ZNF100: variants seen among roughly 807,000 people sequenced by gnomAD.
ZNF100 encodes the protein zinc finger protein 100.
Under a neutral mutation model 15.8 loss-of-function variants are expected in ZNF100, and 12 were observed. That is an observed-to-expected ratio of 0.76 (90% CI 0.49 to 1.23). The LOEUF is 1.23. ZNF100 is among the 50% of genes most tolerant of loss of function. The pLI, the probability that ZNF100 is intolerant of heterozygous loss-of-function variation, is 0.00. For synonymous variants in ZNF100, 226 were observed against 214.8 expected (o/e 1.05, Z -0.45); for missense variants, 670 against 635.6 (o/e 1.05, Z -0.58).
rs1248020047 is a variant in ZNF100, at chr19:21,728,026, T to C, written c.323-37A>G. ...AAAAATAACAAATTACTTTACTTAC[T>C]AGACACAGATAGTTTACAAATCTAA... On this transcript the variant is annotated intron_variant, in intron 4 of 4. Coordinates refer to ENST00000358296, the MANE Select transcript of ZNF100 (RefSeq NM_173531.4). 5 of 1,437,494 alleles carry C rather than the reference T, an allele frequency of 3.5e-6. No homozygotes were observed. The Admixed American group carries it at 1.2e-4, about 33-fold the overall frequency. 89.0% of individuals were successfully genotyped at this position (1,437,494 alleles called of 1,614,324 possible). A position where few individuals can be genotyped will look rare whatever the true frequency, so the allele number is the denominator to read the frequency against.
chr19:21,763,939 T>A lies in ZNF100; in HGVS notation c.96+1755A>T, dbSNP rs975390355. ...TTTTTAAATAAATTGAACTTGGTTA[T>A]ACATTACAAAGTCTAGAAACTGCCT... On this transcript the variant is annotated intron_variant, in intron 2 of 4. Coordinates refer to ENST00000358296, the MANE Select transcript of ZNF100 (RefSeq NM_173531.4). Among the ~76,000 whole-genome samples the A allele has an allele frequency of 4.6e-5, 7 of 152,316 alleles. 1 individual carries two copies. The highest frequency in any genetic ancestry group is 3.9e-4 in the Admixed American group (6 of 15,298).
chr19:21,766,468 C>T (rs1382571263), intron 1 of ZNF100, among the ~76,000 whole-genome samples: 1 of 149,790 alleles, frequency 6.7e-6, no homozygotes, highest in African/African-American at 2.5e-5. Context: ...TTACTACATT[C>T]AGAGAAAATG....
chr19:21,728,700 G>A (rs377382293), intron 4 of ZNF100, among the ~76,000 whole-genome samples: 2 of 151,986 alleles, frequency 1.3e-5, no homozygotes, highest in South Asian at 2.1e-4. Context: ...GTGACAGGTA[G>A]CCTTTTTTAA....
At chr19:21,741,903 T>C (rs1009382660) in intron 4 of ZNF100, among the ~76,000 whole-genome samples, 5 of 152,012 alleles carry the variant, frequency 3.3e-5, no homozygotes, top group Admixed American at 6.5e-5. Flanking sequence ...GTCTCAAACT[T>C]TTGGGCTCAA....
At chr19:21,758,550 G>A (rs751820834) in intron 2 of ZNF100, among the ~76,000 whole-genome samples, 1 of 152,208 alleles carries the variant, frequency 6.6e-6, no homozygotes, top group Non-Finnish European at 1.5e-5. Context: ...TGAACAGGTA[G>A]TCCAGGACCC....
intron 4 of ZNF100, among the ~76,000 whole-genome samples, chr19:21,732,365 C>T (rs1181180966): frequency 2.0e-5 from 3 of 152,014 alleles, no homozygotes; most frequent in Non-Finnish European, 4.4e-5. Flanking sequence ...CAAGATTGAA[C>T]GACCATTTAC....
chr19:21,738,019 G>A lies in ZNF100; in HGVS notation c.322+5998C>T, dbSNP rs533463867. Among the ~76,000 whole-genome samples the A allele has an allele frequency of 7.8e-3, 1,187 of 152,134 alleles. 16 individuals carry two copies. Among genetic ancestry groups the A allele is most frequent in the African/African-American group, 0.027 (1,129 of 41,502 alleles). On this transcript the variant is annotated intron_variant, in intron 4 of 4. Transcript: ENST00000358296. ...TAATCCCAGCACTTTGAGAGGCTGAGGCGGGCAGATCAGCTGAGGTTAGGA... is the reference window on the plus strand; with the variant it reads ...TAATCCCAGCACTTTGAGAGGCTGAAGCGGGCAGATCAGCTGAGGTTAGGA...
rs760664575 is a variant in ZNF100, at chr19:21,744,123, A to G, written c.224-8T>C. ...TAGTGAGAGCAATACCTGCTTTATT[A>G]GAAATAAATAACATGAATCTTTCTC... On this transcript the variant is annotated splice_polypyrimidine_tract_variant and splice_region_variant and intron_variant, in intron 3 of 4. Coordinates refer to ENST00000358296, the MANE Select transcript of ZNF100 (RefSeq NM_173531.4). The G allele has an allele frequency of 4.7e-5, 74 of 1,586,458 alleles. No homozygotes were observed. Among genetic ancestry groups the G allele is most frequent in the Middle Eastern group, 1.7e-4 (1 of 5,954 alleles).
At chr19:21,746,932 G>A (rs1310576145) in intron 2 of ZNF100, 1 of 152,144 alleles carries the variant, frequency 6.6e-6, no homozygotes, top group East Asian at 1.9e-4. Context: ...TGCCTTAAAT[G>A]TGTCAGCACC....
intron 2 of ZNF100, among the ~76,000 whole-genome samples, chr19:21,763,284 TTTTC>T (rs1164787211): frequency 3.0e-5 from 3 of 99,428 alleles, no homozygotes; most frequent in African/African-American, 7.1e-5. Flanking sequence ...TGCACATATT[TTTTC>T]TTTTTCTCAT....
chr19:21,730,908 G>C (rs1330548576), intron 4 of ZNF100, among the ~76,000 whole-genome samples: 1 of 152,078 alleles, frequency 6.6e-6, no homozygotes, highest in Non-Finnish European at 1.5e-5. Context: ...TTCAAAGATA[G>C]AAATAATAGA....
At chr19:21,745,212 C>T (rs2036190791) in intron 2 of ZNF100, 145 bp from the exon 3 acceptor site, 1 of 1,299,496 alleles carries the variant, frequency 7.7e-7, no homozygotes, top group African/African-American at 1.5e-5. Flanking sequence ...ATTTTTAACA[C>T]AGAAATATTC....
At chr19:21,749,175 T>C (rs1448627340) in intron 2 of ZNF100, among the ~76,000 whole-genome samples, 1 of 152,064 alleles carries the variant, frequency 6.6e-6, no homozygotes, top group East Asian at 1.9e-4. Flanking sequence ...ATGGAAGCAA[T>C]TAGTTTATCT....
At position 21,724,918 on chromosome 19, in the gene ZNF100, G is replaced by A. The variant is rs921006374; in HGVS notation, c.*1765C>T. 6.6e-6 allele frequency: 1 copy of A among 152,144 alleles called. No homozygotes were observed. Among genetic ancestry groups the A allele is most frequent in the Non-Finnish European group, 1.5e-5 (1 of 68,040 alleles). The allele number at this position is 152,144 out of a possible 1,614,324, so 9.4% of individuals were successfully genotyped here. A position where few individuals can be genotyped will look rare whatever the true frequency, so the allele number is the denominator to read the frequency against. Reference sequence around the variant, plus strand: ...ATACAAAAATTAGCTGGGCATGGTGGTGGGTGCCTGTAATCCCAGCTACTT... The same window carrying A: ...ATACAAAAATTAGCTGGGCATGGTGATGGGTGCCTGTAATCCCAGCTACTT... On this transcript the variant is annotated 3_prime_UTR_variant, in exon 5 of 5. Transcript: ENST00000358296.
chr19:21,744,837 A>T, intron 3 of ZNF100, 104 bp downstream of exon 3: 1 of 1,540,074 alleles, frequency 6.5e-7, no homozygotes, highest in Non-Finnish European at 8.7e-7. Flanking sequence ...GAAAAAACGG[A>T]TCAGAAACTC....
chr19:21,766,926 G>A lies in ZNF100; in HGVS notation c.3+501C>T, dbSNP rs186644992. On this transcript the variant is annotated intron_variant, in intron 1 of 4. Coordinates refer to ENST00000358296, the MANE Select transcript of ZNF100 (RefSeq NM_173531.4). ...GGAGAATCTCCAGAACCCGGGAGGC[G>A]GAGGTTGCAGTGAGGGGAGATCGCG... Among the ~76,000 whole-genome samples, 76 of 152,280 alleles carry A rather than the reference G, an allele frequency of 5.0e-4. 1 individual carries two copies. Among genetic ancestry groups the A allele is most frequent in the African/African-American group, 1.8e-3 (75 of 41,556 alleles).
At chr19:21,735,415 A>C (rs1382761356) in intron 4 of ZNF100, among the ~76,000 whole-genome samples, 1 of 150,442 alleles carries the variant, frequency 6.6e-6, no homozygotes, top group Non-Finnish European at 1.5e-5. Context: ...AATGGCATGA[A>C]CCCCGGAGGC....
At chr19:21,766,147 G>T (rs2036557380) in intron 1 of ZNF100, among the ~76,000 whole-genome samples, 1 of 152,094 alleles carries the variant, frequency 6.6e-6, no homozygotes, top group Non-Finnish European at 1.5e-5. Context: ...TTAAAATATG[G>T]TATAAACAAG....
chr19:21,764,541 G>A (rs986602233), intron 2 of ZNF100, among the ~76,000 whole-genome samples: 2 of 151,960 alleles, frequency 1.3e-5, no homozygotes, highest in Non-Finnish European at 2.9e-5. Context: ...TCAGGAGGCT[G>A]AGGCAGGAGA....
Sources: allele counts gnomAD v4.1 joint callset (sites outside exome capture counted in the v4.1 genomes callset), GRCh38; gene constraint gnomAD v4.1.1; transcripts MANE v1.5; gene names NCBI Gene and HGNC (gene_info 2026-07-23, HGNC 2026-07-21).